Variants in VTI1A observed in about 807,000 individuals in gnomAD.
The protein encoded by VTI1A is vesicle transport through interaction with t-SNAREs homolog 1A.
VTI1A carries 22 observed loss-of-function variants against 34.9 expected under a neutral mutation model. The observed-to-expected ratio is 0.63, with a 90% CI of 0.45 to 0.90. VTI1A has a LOEUF of 0.90. Among genes scored for constraint, VTI1A ranks in the 40% least tolerant of loss-of-function variants. The probability of loss-of-function intolerance (pLI) is 0.00; values close to 1 mark genes in which losing one functional copy is unlikely to be tolerated. For missense variants in VTI1A, 268 were observed against 275.6 expected (o/e 0.97, Z 0.20); for synonymous variants, 87 against 97.3 (o/e 0.89, Z 0.62).
chr10:112,808,414 T>C (rs556119580), intron 7 of VTI1A, among the ~76,000 whole-genome samples: 88 of 151,998 alleles, frequency 5.8e-4, no homozygotes, highest in Admixed American at 3.1e-3. Context: ...TCACCTGAGG[T>C]CAGGAGTTCA....
At chr10:112,751,452 A>G (rs1041383523) in intron 7 of VTI1A, among the ~76,000 whole-genome samples, 2 of 150,642 alleles carry the variant, frequency 1.3e-5, no homozygotes, top group African/African-American at 4.9e-5. Flanking sequence ...GAGGAAAGCA[A>G]CAATGTTCAG....
chr10:112,467,779 T>C (rs1847946314), intron 3 of VTI1A, among the ~76,000 whole-genome samples: 1 of 152,254 alleles, frequency 6.6e-6, no homozygotes, highest in Non-Finnish European at 1.5e-5. Flanking sequence ...ATTACTATCC[T>C]CATTTACACA....
At chr10:112,696,113 T>TATATAG (rs1326079805) in intron 7 of VTI1A, among the ~76,000 whole-genome samples, 1 of 151,466 alleles carries the variant, frequency 6.6e-6, no homozygotes, top group African/African-American at 2.4e-5. Context: ...TATATATATA[T>TATATAG]ATGCACGTGA....
chr10:112,711,278 G>A (rs1005903816), intron 7 of VTI1A, among the ~76,000 whole-genome samples: 2 of 152,134 alleles, frequency 1.3e-5, no homozygotes, highest in Non-Finnish European at 2.9e-5. Context: ...GTAATTTAGA[G>A]CATTTTCAGT....
chr10:112,740,264 G>A (rs1177783637), intron 7 of VTI1A, among the ~76,000 whole-genome samples: 1 of 152,090 alleles, frequency 6.6e-6, no homozygotes, highest in Non-Finnish European at 1.5e-5. Context: ...AAACAATGCA[G>A]AATTCCCCCT....
intron 7 of VTI1A, among the ~76,000 whole-genome samples, chr10:112,782,908 A>G (rs939445769): frequency 1.3e-5 from 2 of 152,308 alleles, no homozygotes; most frequent in South Asian, 4.1e-4. Flanking sequence ...ATTATAACTC[A>G]AACTGTAGTG....
At chr10:112,526,818 G>A (rs982494178) in intron 3 of VTI1A, among the ~76,000 whole-genome samples, 2 of 152,102 alleles carry the variant, frequency 1.3e-5, no homozygotes, top group Non-Finnish European at 2.9e-5. Flanking sequence ...GAATGGCGAT[G>A]TATGGAACTA....
At chr10:112,457,221 T>C (rs1300912983) in intron 1 of VTI1A, among the ~76,000 whole-genome samples, 3 of 152,084 alleles carry the variant, frequency 2.0e-5, no homozygotes, top group Non-Finnish European at 4.4e-5. Context: ...CAAAGCCAAA[T>C]TTTAGGAAGA....
At chr10:112,511,384 C>T (rs766587221) in intron 3 of VTI1A, among the ~76,000 whole-genome samples, 4 of 151,888 alleles carry the variant, frequency 2.6e-5, no homozygotes, top group Non-Finnish European at 4.4e-5. Context: ...GCTGGGACTA[C>T]AGGCGTGTAC....
the VTI1A span, among the ~76,000 whole-genome samples, chr10:112,842,051 C>CTT: frequency 2.9e-3 from 194 of 66,620 alleles, 3 homozygotes; most frequent in South Asian, 4.7e-3. Context: ...TTTTTTTTTC[C>CTT]TTTTTTTTTT....
At chr10:112,800,074 C>T (rs1564930443) in intron 7 of VTI1A, among the ~76,000 whole-genome samples, 1 of 152,214 alleles carries the variant, frequency 6.6e-6, no homozygotes, top group East Asian at 1.9e-4. Context: ...TCCTTCCTGA[C>T]ATCAGGAAAG....
At chr10:112,573,854 T>G (rs1852229086) in intron 5 of VTI1A, among the ~76,000 whole-genome samples, 1 of 152,176 alleles carries the variant, frequency 6.6e-6, no homozygotes, top group African/African-American at 2.4e-5. Context: ...CTAAGGTAAT[T>G]TGAGATGGGT....
intron 3 of VTI1A, among the ~76,000 whole-genome samples, chr10:112,503,266 T>C (rs1022934286): frequency 1.3e-5 from 2 of 152,126 alleles, no homozygotes; most frequent in African/African-American, 2.4e-5. Flanking sequence ...CATCCTCCTC[T>C]CCCCCATCCT....
At chr10:112,519,550 A>G (rs1248709756) in intron 3 of VTI1A, among the ~76,000 whole-genome samples, 1 of 152,106 alleles carries the variant, frequency 6.6e-6, no homozygotes, top group Non-Finnish European at 1.5e-5. Flanking sequence ...TAGACTAATT[A>G]GCTGATGATA....
intron 7 of VTI1A, among the ~76,000 whole-genome samples, chr10:112,745,421 G>C (rs528702956): frequency 6.6e-6 from 1 of 151,202 alleles, no homozygotes. Context: ...TTTTGTTTTT[G>C]TGCCACCCAC....
intron 5 of VTI1A, among the ~76,000 whole-genome samples, chr10:112,612,239 A>G (rs1268098488): frequency 3.9e-5 from 6 of 152,280 alleles, no homozygotes; most frequent in Non-Finnish European, 7.4e-5. Flanking sequence ...GATTTGTCCT[A>G]GAGAGGTCTA....
At chr10:112,562,579 T>C (rs1851762566) in intron 5 of VTI1A, among the ~76,000 whole-genome samples, 1 of 152,090 alleles carries the variant, frequency 6.6e-6, no homozygotes, top group Non-Finnish European at 1.5e-5. Flanking sequence ...ATAGATTTTC[T>C]TTTATAACAA....
At chr10:112,837,305 T>C in the VTI1A span, among the ~76,000 whole-genome samples, 1 of 151,610 alleles carries the variant, frequency 6.6e-6, no homozygotes, top group Non-Finnish European at 1.5e-5. Flanking sequence ...TCAGCCTAGG[T>C]GACAGTGTGA....
At chr10:112,830,954 A>T in the VTI1A span, among the ~76,000 whole-genome samples, 241 of 147,994 alleles carry the variant, frequency 1.6e-3, 2 homozygotes, top group African/African-American at 5.8e-3. Flanking sequence ...GGCTCAGGTG[A>T]TCCTCCCACC....
Sources: allele counts gnomAD v4.1 joint callset (sites outside exome capture counted in the v4.1 genomes callset), GRCh38; gene constraint gnomAD v4.1.1; transcripts MANE v1.5; gene names NCBI Gene and HGNC (gene_info 2026-07-23, HGNC 2026-07-21).